The following NCK2 variants were observed in gnomAD, a reference collection of about 807,000 sequenced individuals.
NCK2 encodes the protein cytoplasmic protein NCK2.
In NCK2, 16 loss-of-function variants were observed where a neutral mutation model predicts 33.9. That is an observed-to-expected ratio of 0.47 (90% CI 0.32 to 0.72). NCK2 has a LOEUF of 0.72. Among genes scored for constraint, NCK2 ranks in the 30% least tolerant of loss-of-function variants. The probability of loss-of-function intolerance (pLI) is 0.03; values close to 1 mark genes in which losing one functional copy is unlikely to be tolerated. For missense variants in NCK2, 418 were observed against 537.3 expected, an observed-to-expected ratio of 0.78 and a Z score of 2.19; for synonymous variants, 273 against 239.9, an observed-to-expected ratio of 1.14 and a Z score of -1.27.
At chr2:105,783,354 T>A (rs1690563538) in intron 1 of NCK2, among the ~76,000 whole-genome samples, 1 of 152,194 alleles carries the variant, frequency 6.6e-6, no homozygotes, top group Non-Finnish European at 1.5e-5. Context: ...TCCCTGAGCT[T>A]CCTTCCTCGG....
At chr2:105,881,263 G>A in intron 3 of NCK2, 65 bp from the exon 4 acceptor site, 1 of 1,510,832 alleles carries the variant, frequency 6.6e-7, no homozygotes. Flanking sequence ...GGAAATCCCG[G>A]TAGGCTAGGG....
chr2:105,771,899 A>G (rs1690146248), intron 1 of NCK2, among the ~76,000 whole-genome samples: 1 of 152,164 alleles, frequency 6.6e-6, no homozygotes, highest in African/African-American at 2.4e-5. Context: ...TGTTCCCAGA[A>G]GCTTCCTCAG....
At position 105,762,992 on chromosome 2, in the gene NCK2, C is replaced by T. The variant is rs139467405; in HGVS notation, c.-201+17854C>T. Among the ~76,000 whole-genome samples the T allele has an allele frequency of 1.7e-3, 259 of 152,226 alleles. 1 individual carries two copies. The highest frequency in any genetic ancestry group is 5.7e-3 in the African/African-American group (236 of 41,548). On this transcript the variant is annotated intron_variant, in intron 1 of 4. Coordinates refer to ENST00000233154, the MANE Select transcript of NCK2 (RefSeq NM_003581.5). Reference sequence around the variant, plus strand: ...GGCGGATTGCCTGAGCTCAGGAGTTCGAAACCAGCCTGGGCAACACAGTGA... The same window carrying T: ...GGCGGATTGCCTGAGCTCAGGAGTTTGAAACCAGCCTGGGCAACACAGTGA...
At position 105,788,670 on chromosome 2, in the gene NCK2, C is replaced by T. The variant is rs546778785; in HGVS notation, c.-200-27760C>T. On this transcript the variant is annotated intron_variant, in intron 1 of 4. Coordinates refer to ENST00000233154, the MANE Select transcript of NCK2 (RefSeq NM_003581.5). ...CTTCCTCATCTCTAAGTGCCTTCTC[C>T]TAGAGTTTTCTATTTTTTTGTTTTC... is the stretch of plus-strand genomic sequence containing the variant. Among the ~76,000 whole-genome samples, 13 of 152,268 alleles carry T rather than the reference C, an allele frequency of 8.5e-5. No homozygotes were observed. The East Asian group carries it at 1.5e-3, about 18-fold the overall frequency.
At chr2:105,839,649 G>T (rs539348534) in intron 2 of NCK2, among the ~76,000 whole-genome samples, 8 of 152,342 alleles carry the variant, frequency 5.3e-5, no homozygotes, top group African/African-American at 1.9e-4. Context: ...TTAGACGTGA[G>T]ATTTGAAGTG....
At chr2:105,834,383 G>A (rs989038319) in intron 2 of NCK2, among the ~76,000 whole-genome samples, 11 of 152,040 alleles carry the variant, frequency 7.2e-5, no homozygotes, top group African/African-American at 2.2e-4. Flanking sequence ...TTATCATTAC[G>A]TAATGACTTT....
At chr2:105,862,829 AAAG>A (rs1677593523) in intron 3 of NCK2, among the ~76,000 whole-genome samples, 1 of 152,204 alleles carries the variant, frequency 6.6e-6, no homozygotes, top group Non-Finnish European at 1.5e-5. Flanking sequence ...CTGTGCACTA[AAAG>A]AAGCAGACAT....
At chr2:105,778,329 G>A (rs1179540112) in intron 1 of NCK2, among the ~76,000 whole-genome samples, 1 of 152,208 alleles carries the variant, frequency 6.6e-6, no homozygotes, top group Non-Finnish European at 1.5e-5. Context: ...GAGCCTTCAG[G>A]ATCTGTTCTG....
At chr2:105,746,642 A>G (rs557973627) in intron 1 of NCK2, among the ~76,000 whole-genome samples, 36 of 152,320 alleles carry the variant, frequency 2.4e-4, no homozygotes, top group Admixed American at 9.2e-4. Flanking sequence ...CGTGGAGAAG[A>G]AATTGACTTC....
At chr2:105,796,845 AT>A (rs1451754023) in intron 1 of NCK2, among the ~76,000 whole-genome samples, 2 of 152,208 alleles carry the variant, frequency 1.3e-5, no homozygotes, top group African/African-American at 4.8e-5. Context: ...TAGAACACTT[AT>A]AGACATTAGT....
intron 1 of NCK2, among the ~76,000 whole-genome samples, chr2:105,782,295 T>A (rs1025910809): frequency 6.6e-6 from 1 of 152,152 alleles, no homozygotes; most frequent in Admixed American, 6.5e-5. Flanking sequence ...ATCAGGCACA[T>A]CCTGCTGATG....
chr2:105,757,472 T>C (rs532582954), intron 1 of NCK2, among the ~76,000 whole-genome samples: 2 of 152,318 alleles, frequency 1.3e-5, no homozygotes, highest in Non-Finnish European at 2.9e-5. Flanking sequence ...GGTGCAGAGA[T>C]GTAGAAAGGC....
intron 1 of NCK2, among the ~76,000 whole-genome samples, chr2:105,778,560 A>G (rs939182871): frequency 2.6e-5 from 4 of 152,216 alleles, no homozygotes; most frequent in African/African-American, 7.2e-5. Context: ...CGGCAGAGTT[A>G]ACTCTCACAG....
chr2:105,860,911 T>A (rs1677503806), intron 3 of NCK2, among the ~76,000 whole-genome samples: 1 of 150,580 alleles, frequency 6.6e-6, no homozygotes, highest in Non-Finnish European at 1.5e-5. Flanking sequence ...AAGTTTCCAC[T>A]CAGTGAAGCC....
chr2:105,843,662 C>T (rs761809320), intron 2 of NCK2, among the ~76,000 whole-genome samples: 16 of 152,136 alleles, frequency 1.1e-4, no homozygotes, highest in Non-Finnish European at 1.5e-4. Flanking sequence ...ATACACAAAG[C>T]TGGAACAATT....
At chr2:105,825,648 A>T (rs536914305) in intron 2 of NCK2, among the ~76,000 whole-genome samples, 1 of 152,328 alleles carries the variant, frequency 6.6e-6, no homozygotes, top group Admixed American at 6.5e-5. Flanking sequence ...GCAGAGAATG[A>T]TAATTTCTCT....
chr2:105,856,923 CT>C (rs1159822133), intron 3 of NCK2: 1 of 152,084 alleles, frequency 6.6e-6, no homozygotes, highest in Non-Finnish European at 1.5e-5. Flanking sequence ...TAGAGAAAAA[CT>C]TGAAGGTTGT....
intron 1 of NCK2, among the ~76,000 whole-genome samples, chr2:105,795,359 G>A (rs1333937755): frequency 6.6e-6 from 1 of 152,044 alleles, no homozygotes; most frequent in African/African-American, 2.4e-5. Context: ...CCAAGCAAGA[G>A]GTCAAAGGTG....
intron 1 of NCK2, among the ~76,000 whole-genome samples, chr2:105,774,224 G>A (rs1690231745): frequency 6.6e-6 from 1 of 151,968 alleles, no homozygotes; most frequent in African/African-American, 2.4e-5. Context: ...GGCCAGGCTG[G>A]TCTCGAACTC....
Sources: allele counts gnomAD v4.1 joint callset (sites outside exome capture counted in the v4.1 genomes callset), GRCh38; gene constraint gnomAD v4.1.1; transcripts MANE v1.5; gene names NCBI Gene and HGNC (gene_info 2026-07-23, HGNC 2026-07-21).